MTMR1: variants seen among roughly 807,000 people sequenced by gnomAD.
MTMR1 encodes the protein myotubularin related protein 1.
In MTMR1, 17 loss-of-function variants were observed where a neutral mutation model predicts 51.6. The observed-to-expected ratio is 0.33, with a 90% CI of 0.23 to 0.49. MTMR1 has a LOEUF of 0.49. Among genes scored for constraint, MTMR1 ranks in the 20% least tolerant of loss-of-function variants. MTMR1 has a pLI of 0.99. For synonymous variants in MTMR1, 201 were observed against 205.6 expected, an observed-to-expected ratio of 0.98 and a Z score of 0.19; for missense variants, 386 against 526.9, an observed-to-expected ratio of 0.73 and a Z score of 2.62.
At chrX:150,707,971 A>T (rs1415066003) in intron 2 of MTMR1, among the ~76,000 whole-genome samples, 1 of 112,412 alleles carries the variant, frequency 8.9e-6, no homozygotes, top group Admixed American at 9.4e-5. Context: ...TGGCAGTACC[A>T]AAAGGTTACA....
Position 150,720,729 on chromosome X carries a change from A to G in MTMR1, c.352+2029A>G, listed in dbSNP as rs142543301. Among the ~76,000 whole-genome samples, 1,019 of 112,336 alleles carry G rather than the reference A, an allele frequency of 9.1e-3. 8 individuals are homozygous for G. The highest frequency in any genetic ancestry group is 0.014 in the Middle Eastern group (3 of 219). The stretch of plus-strand genomic sequence containing the variant: ...GTTTTCTAAGTGGTCGTACCAGTAT[A>G]CATTTCTAGTAGCCGTATATGAGCA... On this transcript the variant is annotated intron_variant, in intron 4 of 15. Transcript: ENST00000445323.
At chrX:150,695,665 T>C (rs781808255) in intron 1 of MTMR1, among the ~76,000 whole-genome samples, 1 of 111,905 alleles carries the variant, frequency 8.9e-6, no homozygotes, top group African/African-American at 3.3e-5. Context: ...ACATATCAAT[T>C]TTGAGATGCC....
rs372879184 is a variant in MTMR1, at chrX:150,727,303, C to T, written c.441C>T (p.Val147=). ...VTDFKLYFKN[V]ERDPHFILDV... ...ACTTTAAGCTGTACTTCAAAAATGT[C>T]GAGAGGGTGAGTTTTTTAAAGTGTG... The change falls in exon 5 of 16, where the codon GTC becomes GTT. Residue 147 remains valine, a synonymous_variant. Transcript: ENST00000445323. 25 of 1,193,867 alleles carry T rather than the reference C, an allele frequency of 2.1e-5. No homozygotes were observed. The African/African-American group carries it at 2.6e-4, about 13-fold the overall frequency.
At chrX:150,693,829 C>T (rs1453229696) in intron 1 of MTMR1, among the ~76,000 whole-genome samples, 153 bp downstream of exon 1, 2 of 110,506 alleles carry the variant, frequency 1.8e-5, no homozygotes, top group Non-Finnish European at 1.9e-5. Context: ...TCCTCCCCCC[C>T]ACCCCCGGAA....
intron 14 of MTMR1, among the ~76,000 whole-genome samples, chrX:150,752,577 C>T (rs1262778435): frequency 9.4e-6 from 1 of 106,026 alleles, no homozygotes; most frequent in African/African-American, 3.5e-5. Context: ...AAATCAGAAG[C>T]AGAAGAATGA....
At chrX:150,742,727 G>A (rs936379580) in intron 12 of MTMR1, among the ~76,000 whole-genome samples, 56 of 104,767 alleles carry the variant, frequency 5.3e-4, no homozygotes, top group Non-Finnish European at 6.0e-4. Context: ...TGAGGCAGGA[G>A]AATGGTGTGA....
chrX:150,711,511 A>G (rs2041305975), intron 2 of MTMR1, among the ~76,000 whole-genome samples: 2 of 112,092 alleles, frequency 1.8e-5, no homozygotes, highest in Non-Finnish European at 3.8e-5. Context: ...TATTACAACT[A>G]TTTGCTTTTT....
chrX:150,762,600 C>A lies in MTMR1; in HGVS notation c.1893C>A (p.Ala631=). Residue 631 remains alanine, a synonymous_variant, in exon 16 of 16, where the codon GCC becomes GCA. Transcript: ENST00000445323. ...ACCAGAATCTCAAGGAGCTGCTGGC[C>A]GTCAGGGCGGAGCTGCAGAAGCGTG... The part of the protein sequence containing the change: ...PIHQNLKELL[A]VRAELQKRVE... 8.3e-7 allele frequency: 1 copy of A among 1,211,938 alleles called. No homozygotes were observed. The highest frequency in any genetic ancestry group is 1.7e-5 in the African/African-American group (1 of 57,896).
chrX:150,696,415 A>G (rs1233716218), intron 1 of MTMR1, among the ~76,000 whole-genome samples: 1 of 111,623 alleles, frequency 9.0e-6, no homozygotes, highest in Admixed American at 9.4e-5. Flanking sequence ...GTAATTAATA[A>G]TGAGGAAGCT....
intron 3 of MTMR1, among the ~76,000 whole-genome samples, chrX:150,715,699 A>C (rs2148587768): frequency 8.9e-6 from 1 of 112,763 alleles, no homozygotes; most frequent in African/African-American, 3.2e-5. Context: ...CTAAAGCTAA[A>C]TGTGTTTCTT....
intron 4 of MTMR1, among the ~76,000 whole-genome samples, chrX:150,721,587 C>T (rs2041749694): frequency 1.8e-5 from 2 of 111,552 alleles, no homozygotes; most frequent in Non-Finnish European, 3.8e-5. Flanking sequence ...TATTTCCTTA[C>T]TCTTTAATAT....
At chrX:150,745,281 A>C (rs2042545895) in intron 13 of MTMR1, among the ~76,000 whole-genome samples, 2 of 111,832 alleles carry the variant, frequency 1.8e-5, no homozygotes, top group Admixed American at 1.9e-4. Context: ...TATGGGGTAC[A>C]GAACAAGTTA....
At chrX:150,712,622 T>C (rs1321434140) in intron 3 of MTMR1, 3 of 342,252 alleles carry the variant, frequency 8.8e-6, no homozygotes, top group East Asian at 5.0e-5. Context: ...TACTGACTTT[T>C]GTTGTACTAC....
chrX:150,762,282 CTGCT>C (rs1372799553), intron 15 of MTMR1, among the ~76,000 whole-genome samples: 2 of 112,504 alleles, frequency 1.8e-5, no homozygotes, highest in East Asian at 5.6e-4. Flanking sequence ...GTCCCCGTGC[CTGCT>C]TGTCTTCTGA....
At chrX:150,734,396 AT>A (rs781915357) in intron 10 of MTMR1, among the ~76,000 whole-genome samples, 1 of 112,846 alleles carries the variant, frequency 8.9e-6, no homozygotes, top group East Asian at 2.8e-4. Flanking sequence ...TTCGATGTGG[AT>A]GTCTTTGGCG....
intron 4 of MTMR1, among the ~76,000 whole-genome samples, chrX:150,720,286 G>A (rs1409752853): frequency 1.8e-5 from 2 of 111,666 alleles, no homozygotes; most frequent in Admixed American, 9.5e-5. Context: ...CCCAGTTTTC[G>A]TTTCCTTATT....
chrX:150,750,855 G>A lies in MTMR1; in HGVS notation c.1680+12G>A, dbSNP rs1246756928. ...AGCGATTCAAAGAGGTGAGTATGCT[G>A]CATCCTTGTCTGTTGCTTTCCCTGT... is the stretch of plus-strand genomic sequence containing the variant. On this transcript the variant is annotated intron_variant, in intron 14 of 15. Coordinates refer to ENST00000445323, the MANE Select transcript of MTMR1 (RefSeq NM_001306144.3). The A allele has an allele frequency of 1.7e-6, 2 of 1,151,421 alleles. No individual in the cohort carries two copies. The highest frequency in any genetic ancestry group is 2.4e-6 in the Non-Finnish European group (2 of 845,240). 94.9% of individuals were successfully genotyped at this position (1,151,421 alleles called of 1,213,427 possible).
Position 150,764,893 on chromosome X carries a change from C to CA in MTMR1, c.*2166dup, listed in dbSNP as rs2043252003. The CA allele has an allele frequency of 8.9e-6, 1 of 112,230 alleles. No individual in the cohort carries two copies. The highest frequency in any genetic ancestry group is 9.4e-5 in the Admixed American group (1 of 10,596). 9.2% of individuals were successfully genotyped at this position (112,230 alleles called of 1,213,427 possible). A position where few individuals can be genotyped will look rare whatever the true frequency, so the allele number is the denominator to read the frequency against. On this transcript the variant is annotated 3_prime_UTR_variant, in exon 16 of 16. Coordinates refer to ENST00000445323, the MANE Select transcript of MTMR1 (RefSeq NM_001306144.3). ...TTGTCTCATCTGTTGCACTGTATTTCAATCATCTGTAATTAAAATGATCAT... is the reference window on the plus strand; with the variant it reads ...TTGTCTCATCTGTTGCACTGTATTTCAAATCATCTGTAATTAAAATGATCAT...
At position 150,706,994 on chromosome X, in the gene MTMR1, G is replaced by A. The variant is rs781882324; in HGVS notation, c.253-5348G>A. Among the ~76,000 whole-genome samples, 4 of 107,670 alleles carry A rather than the reference G, an allele frequency of 3.7e-5. No homozygotes were observed. In the South Asian group the frequency reaches 1.7e-3, roughly 45 times the overall value. 93.5% of individuals were successfully genotyped at this position (107,670 alleles called of 115,157 possible). A position where few individuals can be genotyped will look rare whatever the true frequency, so the allele number is the denominator to read the frequency against. ...CACCAAGACATGAAAACAATTTAAT[G>A]GTTGAAAGATAGGCTTTTCAACAAA... is the stretch of plus-strand genomic sequence containing the variant. On this transcript the variant is annotated intron_variant, in intron 2 of 15. Transcript: ENST00000445323.
Sources: allele counts gnomAD v4.1 joint callset (sites outside exome capture counted in the v4.1 genomes callset), GRCh38; gene constraint gnomAD v4.1.1; transcripts MANE v1.5; gene names NCBI Gene and HGNC (gene_info 2026-07-23, HGNC 2026-07-21).